The following COMMD10 variants were observed in gnomAD, a reference collection of about 807,000 sequenced individuals.
COMMD10 encodes COMM domain-containing protein 10.
In COMMD10, 33 loss-of-function variants were observed where a neutral mutation model predicts 28.9. The ratio of observed to expected loss-of-function variants is 1.14; its 90% CI spans 0.87 to 1.53. COMMD10 has a LOEUF of 1.53. Ranked by LOEUF, COMMD10 falls within the 40% of genes most tolerant of loss-of-function variation. COMMD10 has a pLI of 0.00. For missense variants in COMMD10, 310 were observed against 233.4 expected, an observed-to-expected ratio of 1.33 and a Z score of -2.14; for synonymous variants, 110 against 81.7, an observed-to-expected ratio of 1.35 and a Z score of -1.87.
chr5:116,262,120 G>T (rs1254095651), intron 5 of COMMD10, among the ~76,000 whole-genome samples: 3 of 151,574 alleles, frequency 2.0e-5, no homozygotes, highest in Non-Finnish European at 4.4e-5. Context: ...CAGGCAGTCT[G>T]ACTAAAGAGC....
At chr5:116,248,479 C>T (rs980969924) in intron 5 of COMMD10, among the ~76,000 whole-genome samples, 2 of 151,946 alleles carry the variant, frequency 1.3e-5, no homozygotes, top group African/African-American at 4.8e-5. Flanking sequence ...GAGAGTAAAG[C>T]CCTTAGTGCT....
chr5:116,173,697 T>A (rs1320131485), intron 5 of COMMD10, among the ~76,000 whole-genome samples: 2 of 152,140 alleles, frequency 1.3e-5, no homozygotes, highest in Non-Finnish European at 2.9e-5. Flanking sequence ...TATAGTTTCA[T>A]AAATTATCCA....
intron 5 of COMMD10, among the ~76,000 whole-genome samples, chr5:116,171,212 C>T (rs1343532996): frequency 6.6e-6 from 1 of 152,090 alleles, no homozygotes; most frequent in South Asian, 2.1e-4. Flanking sequence ...ATGCAGCCAG[C>T]AGACATACGA....
intron 4 of COMMD10, among the ~76,000 whole-genome samples, chr5:116,109,204 ATTTG>A (rs1750956388): frequency 6.6e-6 from 1 of 151,962 alleles, no homozygotes; most frequent in African/African-American, 2.4e-5. Flanking sequence ...ATGTTTTTCC[ATTTG>A]TTTGTGTCGT....
intron 5 of COMMD10, among the ~76,000 whole-genome samples, chr5:116,151,072 T>C (rs1005900855): frequency 6.6e-6 from 1 of 151,458 alleles, no homozygotes; most frequent in Admixed American, 6.6e-5. Context: ...GCATGAAGCG[T>C]TGTTGAATTT....
Position 116,091,243 on chromosome 5 carries a change from A to G in COMMD10, c.243+54A>G, listed in dbSNP as rs555281454. The G allele has an allele frequency of 6.3e-4, 567 of 901,638 alleles. 2 individuals are homozygous for G. The highest frequency in any genetic ancestry group is 2.7e-4 in the Non-Finnish European group (152 of 568,204). 55.9% of individuals were successfully genotyped at this position (901,638 alleles called of 1,614,324 possible). The stretch of plus-strand genomic sequence containing the variant: ...CATGATTTGTTTACTACATATTTGT[A>G]TTGTTATGATATCTATGACATTCTG... On this transcript the variant is annotated intron_variant, in intron 3 of 6. Transcript: ENST00000274458.
chr5:116,125,642 T>C (rs1164484810), intron 4 of COMMD10, among the ~76,000 whole-genome samples: 1 of 152,076 alleles, frequency 6.6e-6, no homozygotes, highest in Non-Finnish European at 1.5e-5. Context: ...TCCTGCAGAG[T>C]GTTTTCCAAC....
chr5:116,222,150 A>G (rs1205281738), intron 5 of COMMD10, among the ~76,000 whole-genome samples: 2 of 152,212 alleles, frequency 1.3e-5, no homozygotes, highest in Non-Finnish European at 2.9e-5. Context: ...CATAATTGAG[A>G]TGAAATTGTA....
At chr5:116,206,773 G>A (rs1748824397) in intron 5 of COMMD10, among the ~76,000 whole-genome samples, 1 of 152,176 alleles carries the variant, frequency 6.6e-6, no homozygotes. Context: ...GTACTCTATG[G>A]AAGATAAACT....
intron 5 of COMMD10, among the ~76,000 whole-genome samples, chr5:116,217,108 G>T (rs914510330): frequency 1.3e-5 from 2 of 150,068 alleles, no homozygotes; most frequent in Non-Finnish European, 3.0e-5. Context: ...AGTAATAAAT[G>T]ACCTTAGGGA....
chr5:116,192,043 A>T (rs530120637), intron 5 of COMMD10, among the ~76,000 whole-genome samples: 258 of 148,734 alleles, frequency 1.7e-3, no homozygotes, highest in African/African-American at 6.0e-3. Flanking sequence ...CTCGGTGGCT[A>T]GACCCAGAAG....
intron 5 of COMMD10, among the ~76,000 whole-genome samples, chr5:116,176,464 A>G (rs1263278487): frequency 6.6e-6 from 1 of 152,192 alleles, no homozygotes; most frequent in Non-Finnish European, 1.5e-5. Context: ...AATCTAAAAC[A>G]TTTAACCTAA....
At chr5:116,207,519 T>C (rs548283567) in intron 5 of COMMD10, among the ~76,000 whole-genome samples, 1 of 129,204 alleles carries the variant, frequency 7.7e-6, no homozygotes, top group South Asian at 3.2e-4. Flanking sequence ...GGGAAAAAAA[T>C]AAGTATTTCA....
chr5:116,145,536 G>T (rs181184580), intron 5 of COMMD10, among the ~76,000 whole-genome samples: 83 of 151,952 alleles, frequency 5.5e-4, no homozygotes, highest in African/African-American at 2.0e-3. Flanking sequence ...TGTGTTCGGG[G>T]CAGGGTGGTA....
chr5:116,161,508 C>T (rs932018006), intron 5 of COMMD10, among the ~76,000 whole-genome samples: 7 of 151,966 alleles, frequency 4.6e-5, no homozygotes, highest in African/African-American at 7.2e-5. Context: ...TTTGACTCCC[C>T]GAGACCTTTA....
intron 5 of COMMD10, among the ~76,000 whole-genome samples, chr5:116,204,148 A>G (rs1748751087): frequency 6.6e-6 from 1 of 152,122 alleles, no homozygotes; most frequent in Admixed American, 6.5e-5. Context: ...AAAGAAGGCC[A>G]TTACATCATG....
chr5:116,165,779 G>T (rs7727695), intron 5 of COMMD10, among the ~76,000 whole-genome samples: 1 of 151,774 alleles, frequency 6.6e-6, no homozygotes, highest in Non-Finnish European at 1.5e-5. Flanking sequence ...CATCCTAACA[G>T]ATCAGTGCTG....
intron 4 of COMMD10, among the ~76,000 whole-genome samples, chr5:116,114,288 G>A (rs949161124): frequency 1.1e-4 from 16 of 152,086 alleles, no homozygotes; most frequent in African/African-American, 3.6e-4. Flanking sequence ...AGTTGTGGTA[G>A]CAGTGTACTG....
intron 5 of COMMD10, among the ~76,000 whole-genome samples, chr5:116,246,104 G>A (rs978420995): frequency 6.6e-6 from 1 of 152,012 alleles, no homozygotes; most frequent in East Asian, 1.9e-4. Context: ...TCAGCCAAAA[G>A]CTTCTTAAGC....
Sources: allele counts gnomAD v4.1 joint callset (sites outside exome capture counted in the v4.1 genomes callset), GRCh38; gene constraint gnomAD v4.1.1; transcripts MANE v1.5; gene names NCBI Gene and HGNC (gene_info 2026-07-23, HGNC 2026-07-21).